The following PAPSS2 variants were observed in gnomAD, a reference collection of about 807,000 sequenced individuals.
The protein encoded by PAPSS2 is bifunctional 3'-phosphoadenosine 5'-phosphosulfate synthase 2.
PAPSS2 carries 61 observed loss-of-function variants against 66.5 expected under a neutral mutation model. The ratio of observed to expected loss-of-function variants is 0.92; its 90% CI spans 0.75 to 1.14. The LOEUF (loss-of-function observed/expected upper bound fraction) is 1.14. PAPSS2 is among the 50% of genes most tolerant of loss of function. PAPSS2 has a pLI of 0.00. For synonymous variants in PAPSS2, 289 were observed against 287.5 expected, an observed-to-expected ratio of 1.01 and a Z score of -0.05; for missense variants, 708 against 789.6, an observed-to-expected ratio of 0.90 and a Z score of 1.24.
chr10:87,744,552 G>C (rs1471613282), intron 11 of PAPSS2, among the ~76,000 whole-genome samples: 1 of 152,188 alleles, frequency 6.6e-6, no homozygotes, highest in African/African-American at 2.4e-5. Flanking sequence ...CTTTAAAGAG[G>C]GTAAGTGTTA....
intron 1 of PAPSS2, among the ~76,000 whole-genome samples, chr10:87,704,748 TCTCCTGC>T (rs1266703913): frequency 6.6e-6 from 1 of 152,148 alleles, no homozygotes; most frequent in African/African-American, 2.4e-5. Context: ...TTCAAGTGAT[TCTCCTGC>T]CTCAGCCTCT....
At chr10:87,731,586 C>T (rs1270247079) in intron 9 of PAPSS2, among the ~76,000 whole-genome samples, 2 of 152,176 alleles carry the variant, frequency 1.3e-5, no homozygotes, top group Admixed American at 6.5e-5. Flanking sequence ...AGGGATTCAC[C>T]ATTCTGGATG....
chr10:87,732,874 A>G (rs1853746749), intron 9 of PAPSS2, among the ~76,000 whole-genome samples: 1 of 152,188 alleles, frequency 6.6e-6, no homozygotes, highest in African/African-American at 2.4e-5. Flanking sequence ...GGACTCGATA[A>G]ACATTCCCAG....
Position 87,721,667 on chromosome 10 carries a change from A to G in PAPSS2, c.866-89A>G, listed in dbSNP as rs1403637547. ...GTATGTTGTATATGTGAAGTGTCATAATAGGAATTTGTTCTTTGACATTGT... is the reference window on the plus strand; with the variant it reads ...GTATGTTGTATATGTGAAGTGTCATGATAGGAATTTGTTCTTTGACATTGT... On this transcript the variant is annotated intron_variant, in intron 7 of 12. Coordinates refer to ENST00000456849, the MANE Select transcript of PAPSS2 (RefSeq NM_001015880.2). 10 of 842,728 alleles carry G rather than the reference A, an allele frequency of 1.2e-5. No individual in the cohort carries two copies. The South Asian group carries it at 1.4e-4, about 12-fold the overall frequency. The allele number at this position is 842,728 out of a possible 1,614,324, so 52.2% of individuals were successfully genotyped here. A position where few individuals can be genotyped will look rare whatever the true frequency, so the allele number is the denominator to read the frequency against.
chr10:87,668,642 T>A (rs1852840822), intron 1 of PAPSS2, among the ~76,000 whole-genome samples: 1 of 146,868 alleles, frequency 6.8e-6, no homozygotes, highest in African/African-American at 2.5e-5. Flanking sequence ...ATATTAAGGC[T>A]GTCTCTACTT....
At chr10:87,735,065 C>T (rs1216436638) in intron 9 of PAPSS2, among the ~76,000 whole-genome samples, 1 of 152,194 alleles carries the variant, frequency 6.6e-6, no homozygotes, top group Non-Finnish European at 1.5e-5. Flanking sequence ...TGCTACTTCA[C>T]TGGGCTCCTG....
chr10:87,711,882 A>G (rs1853466302), intron 2 of PAPSS2, among the ~76,000 whole-genome samples: 1 of 151,974 alleles, frequency 6.6e-6, no homozygotes, highest in Non-Finnish European at 1.5e-5. Flanking sequence ...TGTCGGACAG[A>G]GGCTTGGCAC....
In PAPSS2 at chr10:87,745,885, A is replaced by C. The variant is rs2131732875; in HGVS notation, c.1775A>C (p.Glu592Ala). ...SGTRMRKLAR[E>A]GENPPDGFMA... ...ACTCGAATGAGGAAGCTCGCCCGGG[A>C]AGGAGAGAATCCCCCAGATGGCTTC... Residue 592 changes from glutamate to alanine, a missense_variant, in exon 13 of 13, where the codon GAA becomes GCA. Physicochemically the swap from Glu to Ala is moderately radical, Grantham distance 107 (BLOSUM62 -1). Transcript: ENST00000456849. 3.7e-6 allele frequency: 6 copies of C among 1,614,082 alleles called. No individual in the cohort carries two copies. The highest frequency in any genetic ancestry group is 5.1e-6 in the Non-Finnish European group (6 of 1,179,962).
intron 1 of PAPSS2, among the ~76,000 whole-genome samples, chr10:87,671,912 A>G (rs1438308856): frequency 1.3e-5 from 2 of 152,120 alleles, no homozygotes; most frequent in Non-Finnish European, 2.9e-5. Context: ...GAAGTTACAC[A>G]TTTCAGGAGA....
chr10:87,685,539 T>C (rs1053150371), intron 1 of PAPSS2, among the ~76,000 whole-genome samples: 5 of 152,010 alleles, frequency 3.3e-5, no homozygotes, highest in Non-Finnish European at 7.4e-5. Flanking sequence ...AAACATTAGC[T>C]GGGCATGATG....
rs1853960294 is a variant in PAPSS2, at chr10:87,747,629, T to C, written c.*1659T>C. The C allele has an allele frequency of 6.6e-6, 1 of 152,668 alleles. No homozygotes were observed. Among genetic ancestry groups the C allele is most frequent in the Non-Finnish European group, 1.5e-5 (1 of 68,040 alleles). 9.5% of individuals were successfully genotyped at this position (152,668 alleles called of 1,614,324 possible). ...ATTTAAAACTGCTCTTCTGCTCTAG[T>C]ACCATGCTTAGTGCAAATGATTATT... On this transcript the variant is annotated 3_prime_UTR_variant, in exon 13 of 13. Coordinates refer to ENST00000456849, the MANE Select transcript of PAPSS2 (RefSeq NM_001015880.2).
chr10:87,678,279 T>C (rs1852973496), intron 1 of PAPSS2, among the ~76,000 whole-genome samples: 2 of 152,196 alleles, frequency 1.3e-5, no homozygotes, highest in South Asian at 4.2e-4. Context: ...TCTCTCACCA[T>C]ATACAAAAAT....
intron 1 of PAPSS2, among the ~76,000 whole-genome samples, chr10:87,699,812 T>TAAAAAAAAAA (rs11378998): frequency 7.4e-6 from 1 of 135,698 alleles, no homozygotes; most frequent in Non-Finnish European, 1.6e-5. Flanking sequence ...ATCATGCCAC[T>TAAAAAAAAAA]AAAAAAAAAA....
intron 9 of PAPSS2, among the ~76,000 whole-genome samples, chr10:87,731,957 TGAGA>T (rs1853735106): frequency 6.6e-6 from 1 of 152,182 alleles, no homozygotes; most frequent in South Asian, 2.1e-4. Context: ...TGGCAGCCTG[TGAGA>T]GGATTGACTC....
intron 1 of PAPSS2, among the ~76,000 whole-genome samples, chr10:87,702,200 C>T (rs1440044580): frequency 2.0e-5 from 3 of 152,108 alleles, no homozygotes; most frequent in Non-Finnish European, 2.9e-5. Context: ...TCCTTCAATC[C>T]TCAGGGAGGA....
intron 1 of PAPSS2, among the ~76,000 whole-genome samples, chr10:87,674,625 A>G (rs562561240): frequency 1.2e-4 from 19 of 152,292 alleles, no homozygotes; most frequent in Non-Finnish European, 2.2e-4. Context: ...ATATTGCAAA[A>G]TATCTGTGCT....
intron 1 of PAPSS2, among the ~76,000 whole-genome samples, chr10:87,674,915 G>GTTC (rs1293847561): frequency 6.6e-6 from 1 of 152,194 alleles, no homozygotes; most frequent in Non-Finnish European, 1.5e-5. Flanking sequence ...TCCAAAAAGG[G>GTTC]TAAGAAACCT....
chr10:87,661,006 T>C (rs1201951742), intron 1 of PAPSS2: 1 of 455,992 alleles, frequency 2.2e-6, no homozygotes, highest in East Asian at 6.9e-5. Flanking sequence ...TACTGGTTAC[T>C]GAATGGGTTG....
At chr10:87,734,780 C>T (rs1408316154) in intron 9 of PAPSS2, among the ~76,000 whole-genome samples, 2 of 145,886 alleles carry the variant, frequency 1.4e-5, no homozygotes, top group East Asian at 4.1e-4. Flanking sequence ...TCATCATGAC[C>T]TTATCTTGCT....
Sources: allele counts gnomAD v4.1 joint callset (sites outside exome capture counted in the v4.1 genomes callset), GRCh38; gene constraint gnomAD v4.1.1; transcripts MANE v1.5; gene names NCBI Gene and HGNC (gene_info 2026-07-23, HGNC 2026-07-21).